TEC: variants seen among roughly 807,000 people sequenced by gnomAD.
TEC encodes tyrosine-protein kinase Tec.
Under a neutral mutation model 93.0 loss-of-function variants are expected in TEC, and 72 were observed. The ratio of observed to expected loss-of-function variants is 0.77; its 90% CI spans 0.64 to 0.94. The LOEUF is 0.94. TEC is among the 40% of genes least tolerant of loss of function. The pLI, the probability that TEC is intolerant of heterozygous loss-of-function variation, is 0.00. For missense variants in TEC, 630 were observed against 757.9 expected (o/e 0.83, Z 1.98); for synonymous variants, 249 against 247.7 (o/e 1.01, Z -0.05).
chr4:48,142,296 C>A (rs1719708120), intron 14 of TEC, among the ~76,000 whole-genome samples: 1 of 152,246 alleles, frequency 6.6e-6, no homozygotes, highest in East Asian at 1.9e-4. Context: ...CATGACAAAA[C>A]CCCTTCTCTA....
chr4:48,259,205 T>C (rs546092921), intron 1 of TEC, among the ~76,000 whole-genome samples: 1 of 152,228 alleles, frequency 6.6e-6, no homozygotes, highest in Non-Finnish European at 1.5e-5. Context: ...TGTGTCATTA[T>C]AGTTTGTTGA....
intron 2 of TEC, among the ~76,000 whole-genome samples, chr4:48,216,092 G>A (rs1214262090): frequency 1.3e-5 from 2 of 152,004 alleles, no homozygotes; most frequent in Admixed American, 6.6e-5. Context: ...ATAGGCCTCA[G>A]AACAGAACAG....
intron 1 of TEC, among the ~76,000 whole-genome samples, chr4:48,259,653 T>C (rs1469258659): frequency 2.0e-5 from 3 of 151,160 alleles, no homozygotes; most frequent in South Asian, 2.1e-4. Context: ...GAGGTGAAGA[T>C]TGCAGTGAGT....
At chr4:48,175,143 C>T (rs751670639) in intron 3 of TEC, among the ~76,000 whole-genome samples, 1 of 152,186 alleles carries the variant, frequency 6.6e-6, no homozygotes, top group African/African-American at 2.4e-5. Flanking sequence ...TGTAGCCCTT[C>T]CTCCATTTGT....
intron 14 of TEC, among the ~76,000 whole-genome samples, chr4:48,143,256 G>A (rs532886100): frequency 7.9e-5 from 12 of 152,324 alleles, no homozygotes; most frequent in Admixed American, 2.0e-4. Flanking sequence ...CCCATAAGGG[G>A]TGACACAAAC....
intron 2 of TEC, among the ~76,000 whole-genome samples, chr4:48,189,797 C>A (rs1163069925): frequency 1.3e-5 from 2 of 152,210 alleles, no homozygotes; most frequent in Non-Finnish European, 2.9e-5. Flanking sequence ...GCACTGTGTG[C>A]CTGGTGCTGT....
At chr4:48,240,027 T>A (rs183283012) in intron 1 of TEC, among the ~76,000 whole-genome samples, 159 of 151,968 alleles carry the variant, frequency 1.0e-3, no homozygotes, top group African/African-American at 3.5e-3. Flanking sequence ...GATTATATTT[T>A]TCAGAGTTCT....
chr4:48,182,782 C>T (rs1236192176), intron 2 of TEC, among the ~76,000 whole-genome samples: 1 of 152,066 alleles, frequency 6.6e-6, no homozygotes, highest in East Asian at 1.9e-4. Context: ...CCTTTAATTT[C>T]CAGAATACTC....
chr4:48,150,964 A>T (rs753973260), intron 9 of TEC, 22 bp from the exon 10 acceptor site: 3 of 1,547,708 alleles, frequency 1.9e-6, no homozygotes, highest in South Asian at 1.3e-5. Context: ...GTTCAGAAAA[A>T]ATTTTTTTTA....
chr4:48,228,461 C>T lies in TEC; in HGVS notation c.138+16G>A, dbSNP rs749762993. The T allele has an allele frequency of 9.0e-6, 14 of 1,560,058 alleles. No homozygotes were observed. Among genetic ancestry groups the T allele is most frequent in the Non-Finnish European group, 9.5e-6 (11 of 1,159,052 alleles). On this transcript the variant is annotated intron_variant, in intron 2 of 17. Coordinates refer to ENST00000381501, the MANE Select transcript of TEC (RefSeq NM_003215.3). The stretch of plus-strand genomic sequence containing the variant: ...CTACATAGAAAGCAGAAAAGTAAAT[C>T]GTGATTGTCTCTTACCTCTGCTCGA...
intron 17 of TEC, among the ~76,000 whole-genome samples, chr4:48,138,288 C>A (rs781404254): frequency 6.6e-6 from 1 of 152,128 alleles, no homozygotes; most frequent in South Asian, 2.1e-4. Flanking sequence ...TCAAAGACCT[C>A]GGAAAGTTGA....
intron 9 of TEC, 136 bp downstream of exon 9, chr4:48,156,544 C>T: frequency 1.5e-6 from 1 of 668,648 alleles, no homozygotes; most frequent in Non-Finnish European, 2.4e-6. Flanking sequence ...TCAGCTCCCT[C>T]AGCCTCTGGG....
chr4:48,196,980 T>C (rs760689931), intron 2 of TEC, among the ~76,000 whole-genome samples: 2 of 152,212 alleles, frequency 1.3e-5, no homozygotes, highest in African/African-American at 2.4e-5. Context: ...TTAGGAACAA[T>C]TGATCTCTGG....
At chr4:48,207,976 G>A (rs1171483742) in intron 2 of TEC, among the ~76,000 whole-genome samples, 2 of 152,140 alleles carry the variant, frequency 1.3e-5, no homozygotes, top group Non-Finnish European at 2.9e-5. Context: ...AGAAGACCAA[G>A]GCAAACAGAG....
At chr4:48,232,305 C>A (rs370560924) in intron 1 of TEC, among the ~76,000 whole-genome samples, 9,888 of 135,674 alleles carry the variant, frequency 0.073, 1,121 homozygotes, top group African/African-American at 0.26. Context: ...ACAAAAAAAA[C>A]AAAACAAAAA....
At chr4:48,138,632 G>T (rs1719527308) in intron 17 of TEC, 33 bp downstream of exon 17, 1 of 1,575,900 alleles carries the variant, frequency 6.3e-7, no homozygotes, top group Non-Finnish European at 8.6e-7. Flanking sequence ...ATCCCTAAGA[G>T]ATTCAAAAAG....
At chr4:48,186,203 G>A (rs528908989) in intron 2 of TEC, among the ~76,000 whole-genome samples, 37 of 152,268 alleles carry the variant, frequency 2.4e-4, no homozygotes, top group African/African-American at 8.4e-4. Flanking sequence ...ATCTCGGCTC[G>A]TTACAACCTC....
chr4:48,212,946 A>G (rs543609777), intron 2 of TEC, among the ~76,000 whole-genome samples: 8 of 152,364 alleles, frequency 5.3e-5, no homozygotes, highest in Middle Eastern at 3.4e-3. Flanking sequence ...TCTTTGTTGT[A>G]CAAGTGATGA....
chr4:48,175,341 G>T (rs1721279384), intron 3 of TEC, among the ~76,000 whole-genome samples: 1 of 152,156 alleles, frequency 6.6e-6, no homozygotes. Context: ...TTCCTTTCAG[G>T]ACATGGTGAG....
Sources: allele counts gnomAD v4.1 joint callset (sites outside exome capture counted in the v4.1 genomes callset), GRCh38; gene constraint gnomAD v4.1.1; transcripts MANE v1.5; gene names NCBI Gene and HGNC (gene_info 2026-07-23, HGNC 2026-07-21).